Variants in ABCA1 observed in about 807,000 individuals in gnomAD.
ABCA1 encodes ATP binding cassette subfamily A member 1.
Under a neutral mutation model 262.5 loss-of-function variants are expected in ABCA1, and 133 were observed. That is an observed-to-expected ratio of 0.51 (90% CI 0.44 to 0.59). The LOEUF is 0.59. ABCA1 is among the 20% of genes least tolerant of loss of function. The pLI, the probability that ABCA1 is intolerant of heterozygous loss-of-function variation, is 0.00. For synonymous variants in ABCA1, 1,022 were observed against 1,043.5 expected, an observed-to-expected ratio of 0.98 and a Z score of 0.40; for missense variants, 2,452 against 2,777.5, an observed-to-expected ratio of 0.88 and a Z score of 2.63.
chr9:104,812,784 CCTT>C (rs1831393460), intron 27 of ABCA1, 62 bp from the exon 28 acceptor site: 1 of 1,603,824 alleles, frequency 6.2e-7, no homozygotes, highest in African/African-American at 1.3e-5. Context: ...TTGCCATGCT[CCTT>C]CTTCTGGTGT....
At chr9:104,901,072 T>C (rs1366796598) in intron 2 of ABCA1, among the ~76,000 whole-genome samples, 1 of 152,188 alleles carries the variant, frequency 6.6e-6, no homozygotes, top group Non-Finnish European at 1.5e-5. Flanking sequence ...ACAAGACCAG[T>C]GGAGTCTGGC....
chr9:104,821,249 TAAAAAAGA>T (rs954722150), intron 20 of ABCA1, 118 bp downstream of exon 20: 90 of 1,365,478 alleles, frequency 6.6e-5, no homozygotes, highest in Admixed American at 1.4e-4. Flanking sequence ...CTCAAAAAAA[TAAAAAAGA>T]AAAAAAGAAA....
At chr9:104,847,081 G>A (rs1380848768) in intron 7 of ABCA1, among the ~76,000 whole-genome samples, 1 of 152,122 alleles carries the variant, frequency 6.6e-6, no homozygotes, top group East Asian at 1.9e-4. Context: ...GTTCAAGACA[G>A]CATAGCAAAA....
At position 104,837,508 on chromosome 9, in the gene ABCA1, A is replaced by G. The variant is rs1483428313; in HGVS notation, c.1114T>C (p.Trp372Arg). ...LESSPLSRII[W>R]KALKPLLVGK... The stretch of plus-strand genomic sequence containing the variant: ...ACGAGCAGCGGCTTCAGAGCTTTCC[A>G]GATAATGCGGGAAAGAGGACTAGAC... The change falls in exon 10 of 50, where the codon TGG becomes CGG. Residue 372 changes from tryptophan to arginine, a missense_variant. Trp to Arg is a moderately radical substitution (Grantham distance 101, BLOSUM62 -3). Coordinates refer to ENST00000374736, the MANE Select transcript of ABCA1 (RefSeq NM_005502.4). 6.2e-7 allele frequency: 1 copy of G among 1,614,156 alleles called. No homozygotes were observed.
In ABCA1 at chr9:104,806,295, G is replaced by C; in HGVS notation, c.4410C>G (p.Ile1470Met). 1 of 1,614,048 alleles carries C rather than the reference G, an allele frequency of 6.2e-7. No homozygotes were observed. The highest frequency in any genetic ancestry group is 8.5e-7 in the Non-Finnish European group (1 of 1,180,032). The change falls in exon 31 of 50, where the codon ATC (isoleucine) becomes ATG (methionine). Residue 1470 changes from isoleucine to methionine, a missense_variant. By Grantham distance (10) the Ile-to-Met change is conservative. Coordinates refer to ENST00000374736, the MANE Select transcript of ABCA1 (RefSeq NM_005502.4). ...GGGGACACACAGGCAGCATCTTCTT[G>C]ATTTTGTCGCTGCTACACTGGCATG... ...SPACQCSSDK[I>M]KKMLPVCPPG... is the part of the protein sequence containing the mutation.
chr9:104,786,408 G>A lies in ABCA1; in HGVS notation c.6309-18C>T. The A allele has an allele frequency of 6.2e-7, 1 of 1,607,766 alleles. No homozygotes were observed. Among genetic ancestry groups the A allele is most frequent in the African/African-American group, 1.3e-5 (1 of 74,894 alleles). On this transcript the variant is annotated intron_variant, in intron 47 of 49. Transcript: ENST00000374736. ...CTTCCATACTGCGGTAAAACAGAAA[G>A]AGGTTTTAGTTTTAGAGAGATTCTC...
chr9:104,917,568 A>C (rs7849869), intron 1 of ABCA1, among the ~76,000 whole-genome samples: 1 of 73,756 alleles, frequency 1.4e-5, no homozygotes, highest in Non-Finnish European at 3.0e-5. Flanking sequence ...CAGCCTGGCC[A>C]ACATGACGAA....
At chr9:104,918,519 C>A (rs1841965766) in intron 1 of ABCA1, among the ~76,000 whole-genome samples, 1 of 152,240 alleles carries the variant, frequency 6.6e-6, no homozygotes, top group Admixed American at 6.5e-5. Flanking sequence ...GTACTTTCCA[C>A]AGTACATGGT....
At chr9:104,904,846 C>T (rs1261291211) in intron 1 of ABCA1, among the ~76,000 whole-genome samples, 1 of 152,208 alleles carries the variant, frequency 6.6e-6, no homozygotes, top group Non-Finnish European at 1.5e-5. Context: ...TGCACCTGAA[C>T]ACACCGCCCC....
intron 21 of ABCA1, 67 bp from the exon 22 acceptor site, chr9:104,819,790 T>C: frequency 6.2e-7 from 1 of 1,612,978 alleles, no homozygotes; most frequent in Non-Finnish European, 8.5e-7. Flanking sequence ...GCAGAGGACC[T>C]AGGGGCACAG....
At chr9:104,830,790 T>C in intron 14 of ABCA1, 135 bp downstream of exon 14, 1 of 974,212 alleles carries the variant, frequency 1.0e-6, no homozygotes, top group Non-Finnish European at 1.7e-6. Context: ...GTCATGTGGC[T>C]GCAACTGTTG....
rs1826491065 is a variant in ABCA1 at position 104,928,028 on chromosome 9, A to G, written c.-186T>C. 1 of 152,218 alleles carries G rather than the reference A, an allele frequency of 6.6e-6. No individual in the cohort carries two copies. Among genetic ancestry groups the G allele is most frequent in the Admixed American group, 6.5e-5 (1 of 15,286 alleles). The allele number at this position is 152,218 out of a possible 1,614,324, so 9.4% of individuals were successfully genotyped here. ...AAACAGAACCGGGGAAAAAACAAGG[A>G]GCAAAGCGCCCTGAGAACCGGCTCT... is the stretch of plus-strand genomic sequence containing the variant. On this transcript the variant is annotated 5_prime_UTR_variant, in exon 1 of 50. Transcript: ENST00000374736.
intron 33 of ABCA1, 52 bp downstream of exon 33, chr9:104,803,232 T>C: frequency 1.3e-6 from 2 of 1,599,072 alleles, no homozygotes; most frequent in East Asian, 2.2e-5. Flanking sequence ...CCAAGACACC[T>C]ACAACACCAT....
chr9:104,874,933 G>A (rs1184223739), intron 5 of ABCA1, among the ~76,000 whole-genome samples: 4 of 147,566 alleles, frequency 2.7e-5, no homozygotes, highest in South Asian at 2.1e-4. Context: ...CTGCCCGGCC[G>A]CCCCTTCTGG....
intron 1 of ABCA1, among the ~76,000 whole-genome samples, chr9:104,917,456 T>C (rs1841912212): frequency 6.6e-6 from 1 of 152,166 alleles, no homozygotes. Context: ...ACATTCTTAG[T>C]ACATTAAGGA....
chr9:104,801,757 TG>T (rs1371954940), intron 34 of ABCA1, among the ~76,000 whole-genome samples: 1 of 152,156 alleles, frequency 6.6e-6, no homozygotes, highest in Non-Finnish European at 1.5e-5. Flanking sequence ...TAGGCCAGGC[TG>T]GTCTCGAACT....
intron 5 of ABCA1, among the ~76,000 whole-genome samples, chr9:104,876,267 G>A (rs1350446428): frequency 6.6e-6 from 1 of 152,224 alleles, no homozygotes; most frequent in Non-Finnish European, 1.5e-5. Flanking sequence ...TGTAGCAGTG[G>A]ACAAGAGCCT....
chr9:104,822,243 A>G (rs1011110167), intron 19 of ABCA1, among the ~76,000 whole-genome samples: 1 of 152,206 alleles, frequency 6.6e-6, no homozygotes, highest in African/African-American at 2.4e-5. Context: ...TTCCAAGACC[A>G]CTGCAGAATT....
rs1053238248 is a variant in ABCA1, at chr9:104,783,532, G to A, written c.*783C>T. On this transcript the variant is annotated 3_prime_UTR_variant, in exon 50 of 50. Coordinates refer to ENST00000374736, the MANE Select transcript of ABCA1 (RefSeq NM_005502.4). The stretch of plus-strand genomic sequence containing the variant: ...TTCTTTGCCTCTTACCAGGATCTAA[G>A]TATATTTAAGAGTCTCATAAGGATG... 2 of 152,182 alleles carry A rather than the reference G, an allele frequency of 1.3e-5. No individual in the cohort carries two copies. Among genetic ancestry groups the A allele is most frequent in the African/African-American group, 4.8e-5 (2 of 41,422 alleles). 9.4% of individuals were successfully genotyped at this position (152,182 alleles called of 1,614,324 possible). A position where few individuals can be genotyped will look rare whatever the true frequency, so the allele number is the denominator to read the frequency against.
Sources: allele counts gnomAD v4.1 joint callset (sites outside exome capture counted in the v4.1 genomes callset), GRCh38; gene constraint gnomAD v4.1.1; transcripts MANE v1.5; gene names NCBI Gene and HGNC (gene_info 2026-07-23, HGNC 2026-07-21).